The following MACROD2 variants were observed in gnomAD, a reference collection of about 807,000 sequenced individuals.
The protein encoded by MACROD2 is mono-ADP ribosylhydrolase 2.
MACROD2 carries 36 observed loss-of-function variants against 70.4 expected under a neutral mutation model. The ratio of observed to expected loss-of-function variants is 0.51; its 90% CI spans 0.39 to 0.68. The LOEUF is 0.68. Among genes scored for constraint, MACROD2 ranks in the 30% least tolerant of loss-of-function variants. The pLI is 0.00. For synonymous variants in MACROD2, 172 were observed against 178.8 expected, an observed-to-expected ratio of 0.96 and a Z score of 0.30; for missense variants, 496 against 538.4, an observed-to-expected ratio of 0.92 and a Z score of 0.78.
At chr20:15,833,127 A>G (rs975415933) in intron 8 of MACROD2, among the ~76,000 whole-genome samples, 3 of 152,230 alleles carry the variant, frequency 2.0e-5, no homozygotes, top group African/African-American at 7.2e-5. Context: ...AATGTGCAGA[A>G]GAAAGTGAGG....
intron 5 of MACROD2, among the ~76,000 whole-genome samples, chr20:14,754,514 G>T (rs1322963642): frequency 2.0e-5 from 3 of 152,082 alleles, no homozygotes; most frequent in African/African-American, 7.3e-5. Flanking sequence ...CTCTCATTTA[G>T]GGAGTGTGGA....
At chr20:15,346,931 G>C (rs2078173050) in intron 6 of MACROD2, among the ~76,000 whole-genome samples, 1 of 152,162 alleles carries the variant, frequency 6.6e-6, no homozygotes, top group South Asian at 2.1e-4. Flanking sequence ...TTCAAAGCAA[G>C]TAGGCAAAGC....
chr20:14,906,518 A>G (rs1375643109), intron 5 of MACROD2, among the ~76,000 whole-genome samples: 3 of 152,150 alleles, frequency 2.0e-5, no homozygotes, highest in South Asian at 4.1e-4. Context: ...AGAAAAAAAA[A>G]TCAGCACTAG....
At chr20:14,981,176 G>A (rs183799450) in intron 5 of MACROD2, among the ~76,000 whole-genome samples, 401 of 152,074 alleles carry the variant, frequency 2.6e-3, no homozygotes, top group African/African-American at 9.2e-3. Context: ...CCTACACTGA[G>A]GTGACATAGC....
chr20:14,612,340 C>CA (rs895141825), intron 4 of MACROD2, among the ~76,000 whole-genome samples: 13 of 152,048 alleles, frequency 8.5e-5, no homozygotes, highest in Non-Finnish European at 1.5e-4. Flanking sequence ...AATTAGGGAA[C>CA]ATTTTATTCA....
intron 8 of MACROD2, among the ~76,000 whole-genome samples, chr20:15,857,820 G>A (rs1343190957): frequency 6.6e-6 from 1 of 152,222 alleles, no homozygotes; most frequent in African/African-American, 2.4e-5. Context: ...AAACTAGGGT[G>A]AGGAGAGATG....
intron 3 of MACROD2, among the ~76,000 whole-genome samples, chr20:14,399,533 G>A (rs1391107423): frequency 6.6e-6 from 1 of 151,930 alleles, no homozygotes; most frequent in Non-Finnish European, 1.5e-5. Flanking sequence ...ATGATAATTT[G>A]CTTTGTTAGT....
chr20:15,305,096 G>T (rs1300529126), intron 6 of MACROD2, among the ~76,000 whole-genome samples: 1 of 152,138 alleles, frequency 6.6e-6, no homozygotes, highest in Non-Finnish European at 1.5e-5. Context: ...ACACCTATGG[G>T]CATCTGAGTC....
intron 5 of MACROD2, among the ~76,000 whole-genome samples, chr20:15,087,867 T>C (rs962362323): frequency 1.3e-5 from 2 of 151,934 alleles, no homozygotes; most frequent in Non-Finnish European, 2.9e-5. Flanking sequence ...TTCTAGGTAA[T>C]ATACAGAAGA....
chr20:15,055,909 C>T (rs569873944), intron 5 of MACROD2, among the ~76,000 whole-genome samples: 6 of 151,744 alleles, frequency 4.0e-5, no homozygotes, highest in Middle Eastern at 3.4e-3. Context: ...GCCTCAGCCT[C>T]CCGAGTAGCT....
At chr20:14,711,089 C>A (rs989853700) in intron 5 of MACROD2, among the ~76,000 whole-genome samples, 1 of 152,144 alleles carries the variant, frequency 6.6e-6, no homozygotes, top group Non-Finnish European at 1.5e-5. Flanking sequence ...GCAAGTTTAG[C>A]ACCAGGTCGA....
intron 3 of MACROD2, among the ~76,000 whole-genome samples, chr20:14,090,967 G>A (rs367970040): frequency 2.9e-4 from 44 of 152,176 alleles, no homozygotes; most frequent in African/African-American, 8.4e-4. Flanking sequence ...TCTCATTGTG[G>A]TTTCCATTTG....
intron 4 of MACROD2, among the ~76,000 whole-genome samples, chr20:14,569,095 T>A (rs1022810993): frequency 6.6e-6 from 1 of 152,066 alleles, no homozygotes; most frequent in Non-Finnish European, 1.5e-5. Context: ...GCCATGATTC[T>A]CTTACAACCG....
intron 6 of MACROD2, among the ~76,000 whole-genome samples, chr20:15,285,881 T>C (rs2077486330): frequency 6.6e-6 from 1 of 151,796 alleles, no homozygotes; most frequent in African/African-American, 2.4e-5. Flanking sequence ...TAGATTTCCA[T>C]TTTTTGGGGG....
intron 8 of MACROD2, among the ~76,000 whole-genome samples, chr20:15,834,461 A>T (rs186198979): frequency 9.8e-5 from 15 of 152,300 alleles, no homozygotes; most frequent in African/African-American, 3.6e-4. Flanking sequence ...TAAGGCCAAG[A>T]TCAAATCCTA....
At chr20:14,641,233 A>T (rs1985074403) in intron 4 of MACROD2, among the ~76,000 whole-genome samples, 1 of 152,128 alleles carries the variant, frequency 6.6e-6, no homozygotes, top group Non-Finnish European at 1.5e-5. Context: ...AAGTTTTATC[A>T]CAAGATTGCA....
chr20:14,228,991 C>CA (rs11480896), intron 3 of MACROD2, among the ~76,000 whole-genome samples: 127,070 of 135,004 alleles, frequency 0.94, 59,834 homozygotes, highest in South Asian at 0.97. Flanking sequence ...GACTCTGTCT[C>CA]AAAAAAAAAA....
intron 8 of MACROD2, among the ~76,000 whole-genome samples, chr20:15,699,833 T>C (rs1358056087): frequency 6.6e-6 from 1 of 152,070 alleles, no homozygotes; most frequent in East Asian, 1.9e-4. Context: ...CCCTGTGGAG[T>C]TTTACCCCCT....
At chr20:15,455,040 G>GT (rs2046704338) in intron 7 of MACROD2, among the ~76,000 whole-genome samples, 1 of 152,132 alleles carries the variant, frequency 6.6e-6, no homozygotes, top group Non-Finnish European at 1.5e-5. Flanking sequence ...GTCACACAGA[G>GT]ACCACAAGTA....
Sources: gnomAD v4.1 joint callset for allele counts (sites outside exome capture counted in the v4.1 genomes callset) on GRCh38, gnomAD v4.1.1 for gene constraint, MANE v1.5 for transcripts, NCBI Gene and HGNC (gene_info 2026-07-23, HGNC 2026-07-21) for gene names.